Variants in DBH observed in about 807,000 individuals in gnomAD.
DBH encodes the protein dopamine beta-hydroxylase, also known as dopamine beta-hydroxylase (dopamine beta-monooxygenase).
In DBH, 49 loss-of-function variants were observed where a neutral mutation model predicts 64.0. That is an observed-to-expected ratio of 0.77 (90% CI 0.61 to 0.97). The LOEUF is 0.97. Among genes scored for constraint, DBH ranks in the 50% least tolerant of loss-of-function variants. The pLI is 0.00. For synonymous variants in DBH, 343 were observed against 347.1 expected, an observed-to-expected ratio of 0.99 and a Z score of 0.13; for missense variants, 828 against 826.6, an observed-to-expected ratio of 1.00 and a Z score of -0.02.
chr9:133,657,023 C>A, intron 10 of DBH, 47 bp from the exon 11 acceptor site: 1 of 1,610,470 alleles, frequency 6.2e-7, no homozygotes, highest in Non-Finnish European at 8.5e-7. Context: ...ACTGGGCTCC[C>A]TGCCCGTCAG....
At position 133,651,718 on chromosome 9, in the gene DBH, C is replaced by A; in HGVS notation, c.1276C>A (p.Arg426=). ...GAGAAAGGTGGTCACAGTGCTGGTC[C>A]GGGACGGCCGGGAGTGGGAGATCGT... ...TGRKVVTVLV[R]DGREWEIVNQ... The change falls in exon 7 of 12, where the codon CGG becomes AGG. Residue 426 remains arginine, a synonymous_variant. Coordinates refer to ENST00000393056, the MANE Select transcript of DBH (RefSeq NM_000787.4). 1.2e-6 allele frequency: 2 copies of A among 1,613,926 alleles called. No individual in the cohort carries two copies. The highest frequency in any genetic ancestry group is 2.2e-5 in the South Asian group (2 of 91,074).
intron 1 of DBH, among the ~76,000 whole-genome samples, chr9:133,638,573 T>C (rs1832078992): frequency 6.6e-6 from 1 of 152,104 alleles, no homozygotes. Flanking sequence ...GCCTGGTTCC[T>C]GGCCCTAGGG....
rs756212220 is a variant in DBH, at chr9:133,647,969, C to T, written c.1148C>T (p.Ala383Val). The T allele has an allele frequency of 3.2e-5, 51 of 1,613,752 alleles. 1 individual carries two copies. The Middle Eastern group carries it at 1.2e-3, about 36-fold the overall frequency. ...PVMAIPPRET[A>V]FILTGYCTDK... is the part of the protein sequence containing the mutation. ...ATGGCCATTCCACCACGGGAGACCG[C>T]CTTCATCCTCACTGGCTACTGCACG... is the stretch of plus-strand genomic sequence containing the variant. Residue 383 changes from alanine to valine, a missense_variant, in exon 6 of 12, where the codon GCC becomes GTC. Coordinates refer to ENST00000393056, the MANE Select transcript of DBH (RefSeq NM_000787.4).
intron 5 of DBH, among the ~76,000 whole-genome samples, chr9:133,645,384 G>A (rs1434885813): frequency 1.3e-5 from 2 of 152,060 alleles, no homozygotes; most frequent in African/African-American, 2.4e-5. Flanking sequence ...GAAAGCAAAT[G>A]GATTTTTGAA....
At chr9:133,637,241 A>G (rs545012432) in intron 1 of DBH, among the ~76,000 whole-genome samples, 4 of 152,336 alleles carry the variant, frequency 2.6e-5, no homozygotes, top group Admixed American at 2.6e-4. Context: ...CCCTACCCAT[A>G]GGTGTTGAAC....
intron 11 of DBH, among the ~76,000 whole-genome samples, chr9:133,657,553 G>T (rs2131296691): frequency 6.6e-6 from 1 of 152,006 alleles, no homozygotes; most frequent in East Asian, 1.9e-4. Context: ...GGCAAGGAAG[G>T]GAGGGCAGGC....
At chr9:133,658,080 G>A (rs572004993) in intron 11 of DBH, among the ~76,000 whole-genome samples, 2 of 151,978 alleles carry the variant, frequency 1.3e-5, no homozygotes, top group Admixed American at 6.5e-5. Flanking sequence ...GGACAGAGGC[G>A]GGGAGAGGCC....
chr9:133,650,104 C>T (rs916313179), intron 6 of DBH, among the ~76,000 whole-genome samples: 2 of 152,196 alleles, frequency 1.3e-5, no homozygotes, highest in East Asian at 1.9e-4. Flanking sequence ...GGGCCAGGGT[C>T]GGCCTCTGGG....
intron 9 of DBH, 98 bp from the exon 10 acceptor site, chr9:133,656,425 C>G (rs181447585): frequency 8.7e-5 from 134 of 1,538,940 alleles, no homozygotes; most frequent in Middle Eastern, 5.0e-4. Flanking sequence ...AGTGAACAGA[C>G]GAGTGGACGC....
chr9:133,648,108 G>C, intron 6 of DBH, 96 bp downstream of exon 6: 1 of 1,419,396 alleles, frequency 7.0e-7, no homozygotes. Flanking sequence ...GGCAGGCACA[G>C]CTTTGGTTTC....
intron 6 of DBH, among the ~76,000 whole-genome samples, chr9:133,649,394 A>C (rs1487210872): frequency 6.6e-6 from 1 of 152,242 alleles, no homozygotes; most frequent in African/African-American, 2.4e-5. Flanking sequence ...TGCTGGGATC[A>C]CACTGCCAGC....
chr9:133,652,864 T>G (rs1832267611), intron 8 of DBH, 76 bp from the exon 9 acceptor site: 2 of 1,008,056 alleles, frequency 2.0e-6, no homozygotes, highest in Non-Finnish European at 3.2e-6. Flanking sequence ...AGTGGCGTGG[T>G]CCTATGGGGG....
At chr9:133,651,543 C>G (rs1341246054) in intron 6 of DBH, 91 bp from the exon 7 acceptor site, 2 of 1,543,356 alleles carry the variant, frequency 1.3e-6, no homozygotes, top group Non-Finnish European at 1.8e-6. Flanking sequence ...GCAAACTGCC[C>G]AGGGTGGCTG....
At chr9:133,654,197 G>T (rs1213414930) in intron 9 of DBH, among the ~76,000 whole-genome samples, 1 of 151,912 alleles carries the variant, frequency 6.6e-6, no homozygotes, top group South Asian at 2.1e-4. Flanking sequence ...TCCACCTCCC[G>T]AGTTCAACCG....
At chr9:133,656,988 T>C (rs2131295340) in intron 10 of DBH, 82 bp from the exon 11 acceptor site, 2 of 1,491,718 alleles carry the variant, frequency 1.3e-6, no homozygotes, top group Non-Finnish European at 1.9e-6. Flanking sequence ...AGGACTCGAG[T>C]TGCAGGGAGG....
At chr9:133,640,659 G>A (rs1013978558) in intron 2 of DBH, among the ~76,000 whole-genome samples, 1 of 152,232 alleles carries the variant, frequency 6.6e-6, no homozygotes, top group Non-Finnish European at 1.5e-5. Context: ...TAATCCTTTG[G>A]TGTGGCAGTG....
rs944060307 is a variant in DBH, at chr9:133,636,508, C to T, written c.137C>T (p.Pro46Leu). 6.2e-7 allele frequency: 1 copy of T among 1,613,374 alleles called. No individual in the cohort carries two copies. Among genetic ancestry groups the T allele is most frequent in the South Asian group, 1.1e-5 (1 of 91,074 alleles). ...CAGGGCTCGGCTCCCCGTGAGAGCCCCCTCCCCTATCACATCCCCCTGGAC... is the reference window on the plus strand; with the variant it reads ...CAGGGCTCGGCTCCCCGTGAGAGCCTCCTCCCCTATCACATCCCCCTGGAC... ...ALQGSAPRES[P>L]LPYHIPLDPE... The change falls in exon 1 of 12, where the codon CCC becomes CTC. Residue 46 changes from proline to leucine, a missense_variant. Transcript: ENST00000393056.
rs200628504 is a variant in DBH at position 133,642,406 on chromosome 9, C to A, written c.686C>A (p.Thr229Lys). The A allele has an allele frequency of 6.2e-7, 1 of 1,613,938 alleles. No homozygotes were observed. Reference sequence around the variant, plus strand: ...ATCCAGATCCCCAGCCAGGAGACCACGTACTGGTGCTACATTAAGGAGCTT... The same window carrying A: ...ATCCAGATCCCCAGCCAGGAGACCAAGTACTGGTGCTACATTAAGGAGCTT... ...PNIQIPSQET[T>K]YWCYIKELPK... Residue 229 changes from threonine to lysine, a missense_variant, in exon 3 of 12, where the codon ACG (threonine) becomes AAG (lysine). Coordinates refer to ENST00000393056, the MANE Select transcript of DBH (RefSeq NM_000787.4).
chr9:133,644,792 C>T (rs1161804793), intron 5 of DBH, among the ~76,000 whole-genome samples: 2 of 152,176 alleles, frequency 1.3e-5, no homozygotes, highest in Non-Finnish European at 2.9e-5. Flanking sequence ...GGGGCAGCTG[C>T]TGTTGGATCA....
Sources: allele counts gnomAD v4.1 joint callset (sites outside exome capture counted in the v4.1 genomes callset), GRCh38; gene constraint gnomAD v4.1.1; transcripts MANE v1.5; gene names NCBI Gene and HGNC (gene_info 2026-07-23, HGNC 2026-07-21).